Variants in FBXL7 observed in about 807,000 individuals in gnomAD.
FBXL7 encodes F-box and leucine rich repeat protein 7.
Under a neutral mutation model 38.3 loss-of-function variants are expected in FBXL7, and 12 were observed. That is an observed-to-expected ratio of 0.31 (90% CI 0.20 to 0.51). The LOEUF (loss-of-function observed/expected upper bound fraction) is 0.51. FBXL7 is among the 20% of genes least tolerant of loss of function. The pLI is 0.98. For synonymous variants in FBXL7, 297 were observed against 300.9 expected (o/e 0.99, Z 0.13); for missense variants, 567 against 676.4 (o/e 0.84, Z 1.79).
intron 2 of FBXL7, among the ~76,000 whole-genome samples, chr5:15,748,337 T>A (rs1313727190): frequency 6.6e-6 from 1 of 152,218 alleles, no homozygotes; most frequent in Non-Finnish European, 1.5e-5. Flanking sequence ...ACTTAAATAT[T>A]GTAGATGTTT....
intron 1 of FBXL7, among the ~76,000 whole-genome samples, chr5:15,606,528 G>C (rs1740027057): frequency 6.6e-6 from 1 of 152,258 alleles, no homozygotes; most frequent in Non-Finnish European, 1.5e-5. Context: ...CCGCTTATTA[G>C]ATGGTTTGGT....
At chr5:15,738,347 CA>C (rs1261924837) in intron 2 of FBXL7, among the ~76,000 whole-genome samples, 14 of 152,120 alleles carry the variant, frequency 9.2e-5, no homozygotes, top group Middle Eastern at 3.4e-3. Flanking sequence ...AACTATTTTC[CA>C]AAAAATATAT....
intron 1 of FBXL7, among the ~76,000 whole-genome samples, chr5:15,601,936 C>A (rs1171943879): frequency 6.6e-6 from 1 of 152,112 alleles, no homozygotes; most frequent in Non-Finnish European, 1.5e-5. Flanking sequence ...TAGAGACATA[C>A]TGAGTAGGGT....
intron 2 of FBXL7, among the ~76,000 whole-genome samples, chr5:15,842,386 A>G (rs1738772822): frequency 2.0e-5 from 3 of 152,200 alleles, no homozygotes; most frequent in Admixed American, 2.0e-4. Context: ...CTGTACCCAC[A>G]TTGTACGTGG....
At chr5:15,512,103 C>A (rs1233319231) in intron 1 of FBXL7, among the ~76,000 whole-genome samples, 1 of 152,148 alleles carries the variant, frequency 6.6e-6, no homozygotes, top group African/African-American at 2.4e-5. Flanking sequence ...CTCAGCATCA[C>A]CGGAGTCTTT....
intron 2 of FBXL7, among the ~76,000 whole-genome samples, chr5:15,833,128 C>A (rs777992537): frequency 6.6e-6 from 1 of 152,066 alleles, no homozygotes; most frequent in South Asian, 2.1e-4. Context: ...TTGTAAATTG[C>A]GTCAGTCTCG....
intron 2 of FBXL7, among the ~76,000 whole-genome samples, chr5:15,620,938 G>T (rs372673360): frequency 6.6e-6 from 1 of 152,124 alleles, no homozygotes; most frequent in Non-Finnish European, 1.5e-5. Flanking sequence ...TAAAGACATC[G>T]AATTTATCCA....
rs540773425 is a variant in FBXL7, at chr5:15,922,270, T to G, written c.128-5620T>G. On this transcript the variant is annotated intron_variant, in intron 2 of 3. Transcript: ENST00000504595. ...TCTTGGTGGATTTTAAAAAGGCACCTGCTCTACATATGTTCTGGAAGTTTT... is the reference window on the plus strand; with the variant it reads ...TCTTGGTGGATTTTAAAAAGGCACCGGCTCTACATATGTTCTGGAAGTTTT... Among the ~76,000 whole-genome samples, 87 of 152,224 alleles carry G rather than the reference T, an allele frequency of 5.7e-4. 1 individual carries two copies. Among genetic ancestry groups the G allele is most frequent in the African/African-American group, 2.1e-3 (86 of 41,560 alleles).
intron 2 of FBXL7, among the ~76,000 whole-genome samples, chr5:15,880,750 T>A (rs1237071044): frequency 6.8e-6 from 1 of 146,022 alleles, no homozygotes; most frequent in South Asian, 2.1e-4. Flanking sequence ...AAGTAATATA[T>A]ACTTAGTAAA....
chr5:15,934,720 T>TC (rs1203988813), intron 3 of FBXL7, among the ~76,000 whole-genome samples: 1 of 152,136 alleles, frequency 6.6e-6, no homozygotes, highest in East Asian at 1.9e-4. Context: ...TCAGCCAAGG[T>TC]CCTGAAGACT....
At chr5:15,880,399 C>T (rs1740395957) in intron 2 of FBXL7, among the ~76,000 whole-genome samples, 1 of 152,268 alleles carries the variant, frequency 6.6e-6, no homozygotes, top group Middle Eastern at 3.4e-3. Context: ...GCTGCACGTG[C>T]ACCACAGTCC....
chr5:15,928,146 C>T lies in FBXL7; in HGVS notation c.384C>T (p.Phe128=). The T allele has an allele frequency of 1.9e-6, 3 of 1,611,576 alleles. No homozygotes were observed. Among genetic ancestry groups the T allele is most frequent in the Non-Finnish European group, 2.5e-6 (3 of 1,179,198 alleles). ...ACTCCATGGTGCAGATCTTCTCCTTCCTGCCCACCAACCAGCTGTGCCGCT... is the reference window on the plus strand; with the variant it reads ...ACTCCATGGTGCAGATCTTCTCCTTTCTGCCCACCAACCAGCTGTGCCGCT... ...PDHSMVQIFS[F]LPTNQLCRCA... is the part of the protein sequence containing the mutation. Residue 128 remains phenylalanine, a synonymous_variant, in exon 3 of 4, where the codon TTC becomes TTT. Coordinates refer to ENST00000504595, the MANE Select transcript of FBXL7 (RefSeq NM_012304.5). The surrounding 1 kb of genome is among the most constrained non-coding windows in gnomAD (Gnocchi z 4.0).
chr5:15,671,570 GAAAGGCT>G, intron 2 of FBXL7, among the ~76,000 whole-genome samples: 1 of 152,204 alleles, frequency 6.6e-6, no homozygotes, highest in East Asian at 1.9e-4. Context: ...GATCTTAGCC[GAAAGGCT>G]GAGAAGCAAT....
At chr5:15,692,518 C>T (rs893283416) in intron 2 of FBXL7, among the ~76,000 whole-genome samples, 3 of 152,122 alleles carry the variant, frequency 2.0e-5, no homozygotes, top group African/African-American at 7.2e-5. Context: ...AATGTCATGG[C>T]ACTGTTAAGC....
Position 15,583,271 on chromosome 5 carries a change from A to AT in FBXL7, c.38-32709dup, listed in dbSNP as rs1163284818. Among the ~76,000 whole-genome samples the AT allele has an allele frequency of 7.9e-5, 12 of 152,262 alleles. No homozygotes were observed. The East Asian group carries it at 2.3e-3, about 29-fold the overall frequency. On this transcript the variant is annotated intron_variant, in intron 1 of 3. Transcript: ENST00000504595. ...TCTCCCTCGACACCTGGGGATTACA[A>AT]TTTGAGATGAGATTTGGATGGGGAC...
At chr5:15,839,124 G>A (rs1391383830) in intron 2 of FBXL7, among the ~76,000 whole-genome samples, 1 of 150,428 alleles carries the variant, frequency 6.6e-6, no homozygotes, top group Non-Finnish European at 1.5e-5. Context: ...GAATCCTACT[G>A]TTAGTACTTA....
At chr5:15,789,394 C>T (rs761236123) in intron 2 of FBXL7, among the ~76,000 whole-genome samples, 4 of 152,080 alleles carry the variant, frequency 2.6e-5, no homozygotes, top group East Asian at 3.9e-4. Context: ...AGACTATTAC[C>T]GTGTCTAACC....
At chr5:15,887,477 G>A (rs1579571846) in intron 2 of FBXL7, among the ~76,000 whole-genome samples, 1 of 152,202 alleles carries the variant, frequency 6.6e-6, no homozygotes, top group Admixed American at 6.5e-5. Context: ...CATAGGAATT[G>A]CCAAATGGGA....
At chr5:15,658,721 T>G (rs933877356) in intron 2 of FBXL7, among the ~76,000 whole-genome samples, 3 of 152,120 alleles carry the variant, frequency 2.0e-5, no homozygotes, top group African/African-American at 7.2e-5. Flanking sequence ...GGGGGCTGCA[T>G]GCACCGGTAA....
Sources: gnomAD v4.1 joint callset for allele counts (sites outside exome capture counted in the v4.1 genomes callset) on GRCh38, gnomAD v4.1.1 for gene constraint, Gnocchi (gnomAD v3.1) non-coding constraint, MANE v1.5 for transcripts, NCBI Gene and HGNC (gene_info 2026-07-23, HGNC 2026-07-21) for gene names.